The following PIEZO1 variants were observed in gnomAD, a reference collection of about 807,000 sequenced individuals.
PIEZO1 encodes piezo-type mechanosensitive ion channel component 1.
Under a neutral mutation model 297.2 loss-of-function variants are expected in PIEZO1, and 296 were observed. That is an observed-to-expected ratio of 1.00 (90% CI 0.91 to 1.10). The LOEUF is 1.10. Ranked by LOEUF, PIEZO1 falls within the 50% of genes least tolerant of loss-of-function variation. PIEZO1 has a pLI of 0.00. For missense variants in PIEZO1, 5,018 were observed against 3,455.5 expected (o/e 1.45, Z -11.34); for synonymous variants, 2,427 against 1,507.5 (o/e 1.61, Z -14.13).
chr16:88,755,597 C>A (rs1465379685), intron 1 of PIEZO1, among the ~76,000 whole-genome samples: 1 of 152,240 alleles, frequency 6.6e-6, no homozygotes, highest in Non-Finnish European at 1.5e-5. Flanking sequence ...AGTAAATAGG[C>A]GGGTACCAAC....
At chr16:88,753,653 T>C (rs1906510804) in intron 1 of PIEZO1, among the ~76,000 whole-genome samples, 1 of 152,150 alleles carries the variant, frequency 6.6e-6, no homozygotes, top group Non-Finnish European at 1.5e-5. Flanking sequence ...GGTCCGGGCA[T>C]CCCGGCCGCA....
chr16:88,733,371 C>G lies in PIEZO1; in HGVS notation c.2571G>C (p.Leu857=). Residue 857 remains leucine (L), a synonymous_variant, in exon 19 of 51, where the codon CTG becomes CTC. Coordinates refer to ENST00000301015, the MANE Select transcript of PIEZO1 (RefSeq NM_001142864.4). The part of the protein sequence containing the change: ...YPRFRPMASC[L]STVWTCVIIV... ...TGATGACGCAGGTCCACACGGTGGA[C>G]AGGCAGGAGGCCATGGGCCGGAAGC... The G allele has an allele frequency of 6.5e-7, 1 of 1,550,212 alleles. No individual in the cohort carries two copies. The highest frequency in any genetic ancestry group is 8.7e-7 in the Non-Finnish European group (1 of 1,146,852).
intron 23 of PIEZO1, 25 bp downstream of exon 23, chr16:88,727,532 G>C: frequency 1.1e-6 from 1 of 917,754 alleles, no homozygotes; most frequent in African/African-American, 1.7e-5. Context: ...CCTCTGCAGA[G>C]GCGGGGGTGG....
At position 88,715,552 on chromosome 16, in the gene PIEZO1, G is replaced by A; in HGVS notation, c.*53C>T. 2.6e-6 allele frequency: 4 copies of A among 1,514,492 alleles called. No homozygotes were observed. Among genetic ancestry groups the A allele is most frequent in the Non-Finnish European group, 2.7e-6 (3 of 1,124,934 alleles). 93.8% of individuals were successfully genotyped at this position (1,514,492 alleles called of 1,614,324 possible). ...GGCCTGAGGAGTGCCGCCCCTTGTG[G>A]CCACGCTGCCCAGCAGGCCGGCTCC... On this transcript the variant is annotated 3_prime_UTR_variant, in exon 51 of 51. Coordinates refer to ENST00000301015, the MANE Select transcript of PIEZO1 (RefSeq NM_001142864.4).
rs767376284 is a variant in PIEZO1 at position 88,736,709 on chromosome 16, G to A, written c.1226C>T (p.Ala409Val). Residue 409 changes from alanine (A) to valine (V), a missense_variant, in exon 11 of 51, where the codon GCG (alanine) becomes GTG (valine). By Grantham distance (64) the Ala-to-Val change is moderately conservative. Coordinates refer to ENST00000301015, the MANE Select transcript of PIEZO1 (RefSeq NM_001142864.4). ...VRPKRAEPRE[A>V]SPLHSLGHLI... The stretch of plus-strand genomic sequence containing the variant: ...GTGGCCCAGGCTGTGGAGCGGAGAC[G>A]CCTCCCTGGGCTCAGCCCGCTTGGG... 20 of 1,532,276 alleles carry A rather than the reference G, an allele frequency of 1.3e-5. No individual in the cohort carries two copies. Among genetic ancestry groups the A allele is most frequent in the Admixed American group, 2.0e-5 (1 of 50,808 alleles). The allele number at this position is 1,532,276 out of a possible 1,614,324, so 94.9% of individuals were successfully genotyped here. A position where few individuals can be genotyped will look rare whatever the true frequency, so the allele number is the denominator to read the frequency against.
chr16:88,734,350 C>T lies in PIEZO1; in HGVS notation c.2180+6G>A, dbSNP rs1905066535. The T allele has an allele frequency of 2.6e-6, 4 of 1,516,086 alleles. No homozygotes were observed. The highest frequency in any genetic ancestry group is 3.5e-6 in the Non-Finnish European group (4 of 1,128,650). 93.9% of individuals were successfully genotyped at this position (1,516,086 alleles called of 1,614,324 possible). On this transcript the variant is annotated splice_donor_region_variant and intron_variant, in intron 16 of 50. Transcript: ENST00000301015. ...CCAGGGCCGGACAGGGAGGGCGGGG[C>T]CGCACCTGTGAGCCCAGCGCGGGAG...
chr16:88,785,040 C>T lies in PIEZO1; in HGVS notation c.-76G>A. ...TGGGGCGGTGCGGGGGCCCCGGGGC[C>T]GGCGCGCCATGGCTGACCCGCGGGG... On this transcript the variant is annotated 5_prime_UTR_variant, in exon 1 of 51. Transcript: ENST00000301015. 5 of 930,034 alleles carry T rather than the reference C, an allele frequency of 5.4e-6. No individual in the cohort carries two copies. The highest frequency in any genetic ancestry group is 6.9e-6 in the Non-Finnish European group (5 of 728,598). The allele number at this position is 930,034 out of a possible 1,614,324, so 57.6% of individuals were successfully genotyped here.
At chr16:88,736,000 G>A in intron 12 of PIEZO1, 148 bp downstream of exon 12, 1 of 760,646 alleles carries the variant, frequency 1.3e-6, no homozygotes, top group Middle Eastern at 3.9e-4. Context: ...GCTACTCTGG[G>A]CTGGCTCTGG....
intron 1 of PIEZO1, among the ~76,000 whole-genome samples, chr16:88,753,307 C>T (rs1906494312): frequency 1.1e-5 from 1 of 88,408 alleles, no homozygotes; most frequent in South Asian, 4.3e-4. Flanking sequence ...CCCCCCGCAG[C>T]ACACCTCCCG....
chr16:88,721,483 C>A, intron 38 of PIEZO1, 53 bp from the exon 39 acceptor site: 2 of 1,538,638 alleles, frequency 1.3e-6, no homozygotes, highest in East Asian at 2.5e-5. Context: ...GTGGAGAGCA[C>A]AGGTGCCCAG....
chr16:88,740,503 T>C (rs1182726422), intron 5 of PIEZO1: 1 of 152,328 alleles, frequency 6.6e-6, no homozygotes, highest in East Asian at 1.9e-4. Flanking sequence ...TCATGAGCGC[T>C]GGACCCCCTC....
At chr16:88,743,333 G>A in intron 2 of PIEZO1, 2 of 454,402 alleles carry the variant, frequency 4.4e-6, no homozygotes, top group South Asian at 3.1e-5. Context: ...TCCTGACAGG[G>A]CTGTGGACAG....
rs1271610461 is a variant in PIEZO1, at chr16:88,737,653, G to A, written c.1108-7C>T. On this transcript the variant is annotated splice_polypyrimidine_tract_variant and splice_region_variant and intron_variant, in intron 9 of 50. Transcript: ENST00000301015. ...GTGCTGTGGGCACCACGTGCTGTGG[G>A]CAAGCAGCGCTGAGCCATGCACGGG... 1.3e-6 allele frequency: 2 copies of A among 1,534,502 alleles called. No homozygotes were observed. Among genetic ancestry groups the A allele is most frequent in the Non-Finnish European group, 1.7e-6 (2 of 1,145,998 alleles).
chr16:88,734,689 G>C lies in PIEZO1; in HGVS notation c.1958C>G (p.Pro653Arg), dbSNP rs1370126992. The change falls in exon 15 of 51, where the codon CCT becomes CGT. Residue 653 changes from proline to arginine, a missense_variant. Coordinates refer to ENST00000301015, the MANE Select transcript of PIEZO1 (RefSeq NM_001142864.4). ...AVYTFQFQDFPAYWRNLTGFT... is the reference protein window; with the variant it reads ...AVYTFQFQDFRAYWRNLTGFT... ...GCCAGTGAGGTTGCGCCAGTAGGCA[G>C]GGAAGTCCTGGAACTGGAAGGTGTA... The C allele has an allele frequency of 1.3e-6, 2 of 1,550,368 alleles. No homozygotes were observed. Among genetic ancestry groups the C allele is most frequent in the East Asian group, 4.9e-5 (2 of 40,920 alleles).
At chr16:88,717,648 A>G (rs1446985682) in intron 44 of PIEZO1, 12 of 451,912 alleles carry the variant, frequency 2.7e-5, no homozygotes, top group Non-Finnish European at 3.5e-5. Flanking sequence ...AGTAAACCAG[A>G]TATTACCAAA....
At chr16:88,737,492 A>AG (rs1306254710) in intron 10 of PIEZO1, 67 bp downstream of exon 10, 2 of 1,139,036 alleles carry the variant, frequency 1.8e-6, no homozygotes, top group Non-Finnish European at 2.5e-6. Flanking sequence ...GGCGGCCACC[A>AG]GGGGGCAGCA....
rs1443672007 is a variant in PIEZO1, at chr16:88,725,578, G to A, written c.4058+17C>T. 1.2e-5 allele frequency: 18 copies of A among 1,529,528 alleles called. No individual in the cohort carries two copies. The highest frequency in any genetic ancestry group is 1.7e-4 in the Middle Eastern group (1 of 5,962). The allele number at this position is 1,529,528 out of a possible 1,614,324, so 94.7% of individuals were successfully genotyped here. ...TGGGGGGAGGAGCCGGGGAGTCCCC[G>A]CCCCAGAGGCACCTACTGTCTTTTC... On this transcript the variant is annotated intron_variant, in intron 28 of 50. Coordinates refer to ENST00000301015, the MANE Select transcript of PIEZO1 (RefSeq NM_001142864.4).
chr16:88,778,295 G>A (rs1391302206), intron 1 of PIEZO1, among the ~76,000 whole-genome samples: 2 of 152,146 alleles, frequency 1.3e-5, no homozygotes, highest in African/African-American at 2.4e-5. Context: ...ACAGGCAAAG[G>A]AAACCACAGG....
intron 27 of PIEZO1, 38 bp downstream of exon 27, chr16:88,726,246 A>G (rs1301424969): frequency 1.3e-6 from 2 of 1,509,884 alleles, no homozygotes; most frequent in South Asian, 1.2e-5. Flanking sequence ...CCCAGCCCCA[A>G]GACGGGAGCT....
Sources: gnomAD v4.1 joint callset for allele counts (sites outside exome capture counted in the v4.1 genomes callset) on GRCh38, gnomAD v4.1.1 for gene constraint, MANE v1.5 for transcripts, NCBI Gene and HGNC (gene_info 2026-07-23, HGNC 2026-07-21) for gene names.